GPCPD1: variants seen among roughly 807,000 people sequenced by gnomAD.
GPCPD1 encodes glycerophosphocholine phosphodiesterase GPCPD1.
A neutral mutation model predicts 89.2 loss-of-function variants in GPCPD1; 29 were observed. That is an observed-to-expected ratio of 0.33 (90% confidence interval 0.24 to 0.44). The LOEUF (loss-of-function observed/expected upper bound fraction) is 0.44, where lower values mean the gene tolerates loss of function less well. GPCPD1 is among the 20% of genes least tolerant of loss of function. The pLI is 1.00. For missense variants in GPCPD1, 594 were observed against 808.9 expected (o/e 0.73, Z 3.22); for synonymous variants, 258 against 266.3 (o/e 0.97, Z 0.30).
In GPCPD1 at chr20:5,560,002, AAC is replaced by A. The variant is rs770786636; in HGVS notation, c.1468_1469del (p.Val490PhefsTer15). On this transcript the variant is annotated frameshift_variant, in exon 17 of 20. Transcript: ENST00000379019. LOFTEE classifies it high-confidence loss of function. ...NLFLDIILKTVLENSGKRRIV... is the reference protein window; with the variant it reads ...NLFLDIILKTXLENSGKRRIV... ...TTCTCCTCTTCCCAGAATTTTCTAA[AAC>A]AGTTTTTAAAATTATATCCAAAAAC... 2 of 1,575,876 alleles carry A rather than the reference AAC, an allele frequency of 1.3e-6. No individual in the cohort carries two copies. The highest frequency in any genetic ancestry group is 1.7e-6 in the Non-Finnish European group (2 of 1,153,206).
At chr20:5,578,792 A>C (rs921912058) in intron 7 of GPCPD1, among the ~76,000 whole-genome samples, 181 bp from the exon 8 acceptor site, 2 of 152,182 alleles carry the variant, frequency 1.3e-5, no homozygotes, top group African/African-American at 4.8e-5. Flanking sequence ...GTGTTTTATA[A>C]AATACTGATG....
chr20:5,565,720 C>T (rs1016261261), intron 14 of GPCPD1, among the ~76,000 whole-genome samples: 1 of 152,068 alleles, frequency 6.6e-6, no homozygotes, highest in Admixed American at 6.5e-5. Context: ...TGTGATTTTG[C>T]TATTTCTCCA....
At chr20:5,589,403 G>A (rs1457216954) in intron 4 of GPCPD1, among the ~76,000 whole-genome samples, 1 of 152,128 alleles carries the variant, frequency 6.6e-6, no homozygotes, top group African/African-American at 2.4e-5. Context: ...CCTGAGGTCG[G>A]GAGTTAGAGA....
At chr20:5,580,178 T>TA in intron 6 of GPCPD1, 47 bp from the exon 7 acceptor site, 1 of 1,058,992 alleles carries the variant, frequency 9.4e-7, no homozygotes, top group Non-Finnish European at 1.4e-6. Flanking sequence ...CATGTTTTTT[T>TA]AAACAACACA....
chr20:5,584,233 C>T (rs1978754597), intron 6 of GPCPD1, 48 bp downstream of exon 6: 1 of 864,372 alleles, frequency 1.2e-6, no homozygotes, highest in African/African-American at 1.7e-5. Context: ...TGTAAAGTAA[C>T]AATCTCAATC....
At chr20:5,564,962 T>C (rs1391655973) in intron 15 of GPCPD1, 55 bp downstream of exon 15, 3 of 835,740 alleles carry the variant, frequency 3.6e-6, no homozygotes, top group East Asian at 4.8e-5. Context: ...AAGTAAATTA[T>C]TCATACATGA....
At chr20:5,556,078 C>G (rs1421946520) in intron 19 of GPCPD1, among the ~76,000 whole-genome samples, 1 of 152,160 alleles carries the variant, frequency 6.6e-6, no homozygotes, top group East Asian at 1.9e-4. Context: ...CCTCCAGCAG[C>G]AAAATGATTA....
chr20:5,579,492 C>T (rs1057007709), intron 7 of GPCPD1, among the ~76,000 whole-genome samples: 12 of 152,146 alleles, frequency 7.9e-5, no homozygotes, highest in Admixed American at 3.9e-4. Flanking sequence ...GGATTACAGG[C>T]GCCCAACAGC....
At chr20:5,591,738 T>C (rs527521406) in intron 4 of GPCPD1, among the ~76,000 whole-genome samples, 44 of 152,336 alleles carry the variant, frequency 2.9e-4, no homozygotes, top group African/African-American at 1.0e-3. Flanking sequence ...CCAACTTTTT[T>C]AAAGTGTCAC....
At chr20:5,580,872 A>G (rs1370824464) in intron 6 of GPCPD1, among the ~76,000 whole-genome samples, 1 of 151,008 alleles carries the variant, frequency 6.6e-6, no homozygotes, top group Non-Finnish European at 1.5e-5. Flanking sequence ...AAAGGAATCA[A>G]TTCCATTTTT....
Position 5,558,102 on chromosome 20 carries a change from T to C in GPCPD1, c.1672A>G (p.Ile558Val). The change falls in exon 19 of 20, where the codon ATA (isoleucine) becomes GTA (valine). Residue 558 changes from isoleucine to valine, a missense_variant. Ile to Val is a conservative substitution (Grantham distance 29, BLOSUM62 3). Coordinates refer to ENST00000379019, the MANE Select transcript of GPCPD1 (RefSeq NM_019593.5). ...AGCAAGTCTTCAGTATGTACATTTA[T>C]CCCCTAGAAGAAGAAAAATTAGTTG... Reference protein sequence around the residue: ...SFAQFENLLGINVHTEDLLRN... With the variant: ...SFAQFENLLGVNVHTEDLLRN... The C allele has an allele frequency of 7.0e-6, 11 of 1,570,290 alleles. No individual in the cohort carries two copies. The highest frequency in any genetic ancestry group is 9.5e-6 in the Non-Finnish European group (11 of 1,157,138).
rs1242594410 is a variant in GPCPD1 at position 5,553,869 on chromosome 20, G to A, written c.1829+4076C>T. On this transcript the variant is annotated intron_variant, in intron 19 of 19. Transcript: ENST00000379019. ...GAAGCTGTCTCCATAACGTAAAAGT[G>A]CAAAGTTAAGTATCAAGTGCTGATG... Among the ~76,000 whole-genome samples, 12 of 152,342 alleles carry A rather than the reference G, an allele frequency of 7.9e-5. No homozygotes were observed. The East Asian group carries it at 1.9e-3, about 24-fold the overall frequency.
chr20:5,597,238 GT>G (rs1389127278), intron 3 of GPCPD1, among the ~76,000 whole-genome samples: 2 of 152,120 alleles, frequency 1.3e-5, no homozygotes, highest in African/African-American at 2.4e-5. Context: ...GGAGTTCTGT[GT>G]TTTTTAATTT....
intron 6 of GPCPD1, among the ~76,000 whole-genome samples, chr20:5,581,669 A>G (rs1978493149): frequency 1.3e-5 from 2 of 152,174 alleles, no homozygotes; most frequent in South Asian, 4.1e-4. Context: ...AGGTAATAAA[A>G]TGTTCATAAA....
chr20:5,547,519 T>C lies in GPCPD1; in HGVS notation c.*142A>G, dbSNP rs1985092419. 1 of 462,652 alleles carries C rather than the reference T, an allele frequency of 2.2e-6. No individual in the cohort carries two copies. The highest frequency in any genetic ancestry group is 2.0e-5 in the African/African-American group (1 of 50,666). 28.7% of individuals were successfully genotyped at this position (462,652 alleles called of 1,614,324 possible). A position where few individuals can be genotyped will look rare whatever the true frequency, so the allele number is the denominator to read the frequency against. On this transcript the variant is annotated 3_prime_UTR_variant, in exon 20 of 20. Transcript: ENST00000379019. ...ATTTAAATAGCATACTTGCAAGAAC[T>C]GTAGTGAAAGAGTTAAATACTTCAT... is the stretch of plus-strand genomic sequence containing the variant.
chr20:5,572,083 A>G (rs1257286010), intron 11 of GPCPD1, among the ~76,000 whole-genome samples: 1 of 151,672 alleles, frequency 6.6e-6, no homozygotes, highest in Non-Finnish European at 1.5e-5. Flanking sequence ...GCCAGGTATG[A>G]TGACACATGC....
chr20:5,597,716 C>T (rs1294977948), intron 3 of GPCPD1, among the ~76,000 whole-genome samples: 1 of 152,180 alleles, frequency 6.6e-6, no homozygotes, highest in African/African-American at 2.4e-5. Context: ...TATGCTAACC[C>T]CTTTTTATCA....
At position 5,593,351 on chromosome 20, in the gene GPCPD1, G is replaced by C. The variant is rs1171902702; in HGVS notation, c.207C>G (p.Phe69Leu). ...SRGVSVQYRYFKGYFLEPKTI... is the reference protein window; with the variant it reads ...SRGVSVQYRYLKGYFLEPKTI... The stretch of plus-strand genomic sequence containing the variant: ...CCTTTGGTTCTAAAAAGTACCCTTT[G>C]AAGTAGCGATACTGAACTGATACTC... Residue 69 changes from phenylalanine to leucine, a missense_variant, in exon 4 of 20, where the codon TTC (phenylalanine) becomes TTG (leucine). Phe to Leu is a conservative substitution (Grantham distance 22, BLOSUM62 0). Coordinates refer to ENST00000379019, the MANE Select transcript of GPCPD1 (RefSeq NM_019593.5). 1.3e-6 allele frequency: 2 copies of C among 1,578,870 alleles called. No individual in the cohort carries two copies. Among genetic ancestry groups the C allele is most frequent in the Non-Finnish European group, 1.7e-6 (2 of 1,148,440 alleles).
rs780276017 is a variant in GPCPD1, at chr20:5,558,106, C to T, written c.1669-1G>A. 2 of 1,559,304 alleles carry T rather than the reference C, an allele frequency of 1.3e-6. No homozygotes were observed. The highest frequency in any genetic ancestry group is 2.0e-5 in the Admixed American group (1 of 51,016). On this transcript the variant is annotated splice_acceptor_variant, in intron 18 of 19. Transcript: ENST00000379019. LOFTEE classifies it high-confidence loss of function. ...AGTCTTCAGTATGTACATTTATCCC[C>T]TAGAAGAAGAAAAATTAGTTGTGCA...
Sources: allele counts gnomAD v4.1 joint callset (sites outside exome capture counted in the v4.1 genomes callset), GRCh38; gene constraint gnomAD v4.1.1; transcripts MANE v1.5; gene names NCBI Gene and HGNC (gene_info 2026-07-23, HGNC 2026-07-21).